The following KCTD16 variants were observed in gnomAD, a reference collection of about 807,000 sequenced individuals.
KCTD16 encodes the protein BTB/POZ domain-containing protein KCTD16.
Under a neutral mutation model 33.2 loss-of-function variants are expected in KCTD16, and 13 were observed. The observed-to-expected ratio is 0.39, with a 90% confidence interval of 0.25 to 0.62. KCTD16 has a LOEUF of 0.62. Ranked by LOEUF, KCTD16 falls within the 20% of genes least tolerant of loss-of-function variation. The probability of loss-of-function intolerance (pLI) is 0.50; values close to 1 mark genes in which losing one functional copy is unlikely to be tolerated. For synonymous variants in KCTD16, 197 were observed against 195.3 expected, an observed-to-expected ratio of 1.01 and a Z score of -0.07; for missense variants, 441 against 525.1, an observed-to-expected ratio of 0.84 and a Z score of 1.57.
chr5:144,273,763 CAG>C (rs1447212020), intron 3 of KCTD16, among the ~76,000 whole-genome samples: 1 of 131,300 alleles, frequency 7.6e-6, no homozygotes, highest in Non-Finnish European at 1.6e-5. Context: ...TGGTTGTTGT[CAG>C]GGGCTGGGGG....
At chr5:144,432,612 G>T (rs562439810) in intron 3 of KCTD16, among the ~76,000 whole-genome samples, 7 of 152,046 alleles carry the variant, frequency 4.6e-5, no homozygotes, top group African/African-American at 1.7e-4. Context: ...ATATTCCAGT[G>T]GCAAAGACAA....
intron 3 of KCTD16, among the ~76,000 whole-genome samples, chr5:144,471,814 T>A (rs182581861): frequency 6.6e-6 from 1 of 152,322 alleles, no homozygotes; most frequent in African/African-American, 2.4e-5. Context: ...TGCATTTAAT[T>A]TAATGGCTCT....
Position 144,209,585 on chromosome 5 carries a change from G to A in KCTD16, c.832+2039G>A, listed in dbSNP as rs542627302. On this transcript the variant is annotated intron_variant, in intron 3 of 3. Coordinates refer to ENST00000512467, the MANE Select transcript of KCTD16 (RefSeq NM_020768.4). ...AAACTGACAGCTGGCTTTCTAGGGT[G>A]CATAACAGCTTCCGTGCAGCTGCTT... Among the ~76,000 whole-genome samples, 12 of 151,928 alleles carry A rather than the reference G, an allele frequency of 7.9e-5. No homozygotes were observed. In the East Asian group the frequency reaches 2.3e-3, roughly 29 times the overall value.
chr5:144,341,339 G>T (rs1752636964), intron 3 of KCTD16, among the ~76,000 whole-genome samples: 1 of 152,116 alleles, frequency 6.6e-6, no homozygotes, highest in African/African-American at 2.4e-5. Context: ...CACTTGGGGA[G>T]AAACAGTGTT....
intron 3 of KCTD16, among the ~76,000 whole-genome samples, chr5:144,456,396 A>G (rs567417481): frequency 3.9e-5 from 6 of 152,166 alleles, no homozygotes; most frequent in African/African-American, 1.4e-4. Context: ...TCAGCTCACT[A>G]AGCTATGTAC....
chr5:144,255,375 G>T (rs1189086931), intron 3 of KCTD16, among the ~76,000 whole-genome samples: 1 of 151,914 alleles, frequency 6.6e-6, no homozygotes, highest in Admixed American at 6.6e-5. Context: ...TTATCATATG[G>T]TGGTTCTTTA....
intron 3 of KCTD16, among the ~76,000 whole-genome samples, chr5:144,348,928 G>C (rs762032091): frequency 1.8e-4 from 28 of 152,174 alleles, no homozygotes; most frequent in Non-Finnish European, 4.0e-4. Context: ...TTGGAAGAGA[G>C]AGTAGGTTCA....
intron 3 of KCTD16, among the ~76,000 whole-genome samples, chr5:144,244,737 A>G (rs564344179): frequency 4.5e-4 from 69 of 152,282 alleles, no homozygotes; most frequent in African/African-American, 1.6e-3. Context: ...CACTTTCCCT[A>G]GACTGATCTG....
intron 2 of KCTD16, chr5:144,205,920 C>T (rs1268187191): frequency 5.3e-6 from 1 of 186,978 alleles, no homozygotes; most frequent in Non-Finnish European, 1.1e-5. Flanking sequence ...ATTGATACCT[C>T]GGTCGTTTAC....
intron 3 of KCTD16, among the ~76,000 whole-genome samples, chr5:144,398,435 A>C (rs990614669): frequency 1.3e-5 from 2 of 152,280 alleles, no homozygotes; most frequent in South Asian, 4.2e-4. Flanking sequence ...TTAAGCCAAC[A>C]TGATTATGAG....
At chr5:144,435,233 T>G (rs1753549679) in intron 3 of KCTD16, among the ~76,000 whole-genome samples, 1 of 152,230 alleles carries the variant, frequency 6.6e-6, no homozygotes, top group African/African-American at 2.4e-5. Flanking sequence ...TAGGGCGTTT[T>G]ACCTGTCTGT....
At chr5:144,353,491 C>G (rs1751493575) in intron 3 of KCTD16, among the ~76,000 whole-genome samples, 1 of 152,112 alleles carries the variant, frequency 6.6e-6, no homozygotes, top group Non-Finnish European at 1.5e-5. Flanking sequence ...ATTATCTTTA[C>G]TTATAAATTG....
At chr5:144,364,145 G>A (rs1257187689) in intron 3 of KCTD16, among the ~76,000 whole-genome samples, 1 of 152,072 alleles carries the variant, frequency 6.6e-6, no homozygotes, top group Non-Finnish European at 1.5e-5. Flanking sequence ...CAAAATCATG[G>A]TCCAAACCAA....
intron 3 of KCTD16, among the ~76,000 whole-genome samples, chr5:144,234,782 A>C (rs1342025464): frequency 6.6e-6 from 1 of 152,038 alleles, no homozygotes; most frequent in Non-Finnish European, 1.5e-5. Flanking sequence ...TACATGTATT[A>C]TGTTATAGGT....
chr5:144,172,990 C>A (rs543998094), intron 1 of KCTD16, among the ~76,000 whole-genome samples: 1 of 152,136 alleles, frequency 6.6e-6, no homozygotes, highest in Non-Finnish European at 1.5e-5. Context: ...TAGATGCTGG[C>A]GAGGTTTTAG....
At chr5:144,232,117 A>G (rs1754119830) in intron 3 of KCTD16, among the ~76,000 whole-genome samples, 1 of 152,166 alleles carries the variant, frequency 6.6e-6, no homozygotes, top group Admixed American at 6.5e-5. Flanking sequence ...GCACCACACA[A>G]CGAAAGGACA....
intron 3 of KCTD16, among the ~76,000 whole-genome samples, chr5:144,307,296 T>C (rs1473917927): frequency 6.6e-6 from 1 of 152,208 alleles, no homozygotes; most frequent in Non-Finnish European, 1.5e-5. Context: ...TCGTATAGTC[T>C]TTGTAACTCC....
chr5:144,473,922 A>T lies in KCTD16; in HGVS notation c.1095A>T (p.Leu365Phe). Residue 365 changes from leucine (L) to phenylalanine (F), a missense_variant, in exon 4 of 4, where the codon TTA becomes TTT. By Grantham distance (22) the Leu-to-Phe change is conservative. Around this residue, in one of 3 missense-constraint regions of KCTD16, gnomAD observed 355 missense variants for 413.0 expected, o/e 0.86. Transcript: ENST00000512467. ...QQSEMRRKSD[L>F]LRTLTSGSRE... ...CAGAGATGCGGCGGAAAAGCGACTT[A>T]CTCCGGACTCTGACTTCAGGCTCCA... is the stretch of plus-strand genomic sequence containing the variant. 1 of 1,613,936 alleles carries T rather than the reference A, an allele frequency of 6.2e-7. No individual in the cohort carries two copies. Among genetic ancestry groups the T allele is most frequent in the Non-Finnish European group, 8.5e-7 (1 of 1,179,980 alleles).
In KCTD16 at chr5:144,332,085, C is replaced by T. The variant is rs1003690783; in HGVS notation, c.832+124539C>T. ...TAAAGCAACAGGTTTTATTTTCTCC[C>T]TCTGATTCCTATCAAACACCTCTAA... is the stretch of plus-strand genomic sequence containing the variant. On this transcript the variant is annotated intron_variant, in intron 3 of 3. Coordinates refer to ENST00000512467, the MANE Select transcript of KCTD16 (RefSeq NM_020768.4). Among the ~76,000 whole-genome samples the T allele has an allele frequency of 2.6e-5, 4 of 152,226 alleles. No homozygotes were observed. In the South Asian group the frequency reaches 8.3e-4, roughly 32 times the overall value.
Sources: gnomAD v4.1 joint callset for allele counts (sites outside exome capture counted in the v4.1 genomes callset) on GRCh38, gnomAD v4.1.1 for gene constraint, gnomAD v4.1.1 regional missense constraint, MANE v1.5 for transcripts, NCBI Gene and HGNC (gene_info 2026-07-23, HGNC 2026-07-21) for gene names.